The following PCSK6 variants were observed in gnomAD, a reference collection of about 807,000 sequenced individuals.
PCSK6 encodes paired basic amino acid cleaving enzyme 4.
PCSK6 carries 85 observed loss-of-function variants against 123.3 expected under a neutral mutation model. The observed-to-expected ratio is 0.69, with a 90% CI of 0.58 to 0.83. The LOEUF (loss-of-function observed/expected upper bound fraction) is 0.83, where lower values mean the gene tolerates loss of function less well. Ranked by LOEUF, PCSK6 falls within the 40% of genes least tolerant of loss-of-function variation. The pLI, the probability that PCSK6 is intolerant of heterozygous loss-of-function variation, is 0.00. For synonymous variants in PCSK6, 508 were observed against 516.0 expected, an observed-to-expected ratio of 0.98 and a Z score of 0.21; for missense variants, 1,191 against 1,282.3, an observed-to-expected ratio of 0.93 and a Z score of 1.09.
At position 101,305,276 on chromosome 15, in the gene PCSK6, C is replaced by T. The variant is rs768191169; in HGVS notation, c.2892G>A (p.Thr964=). Residue 964 remains threonine, a synonymous_variant, in exon 22 of 22, where the codon ACG becomes ACA. Transcript: ENST00000611716. The surrounding 1 kb of genome is among the most constrained non-coding windows in gnomAD (Gnocchi z 4.8). The part of the protein sequence containing the change: ...RKLFIQFCCR[T]CLLAG ...GGCACCCTTACCCGGCCAGGAGGCACGTGCGGCAGCAGAACTGAATGAAGA... is the reference window on the plus strand; with the variant it reads ...GGCACCCTTACCCGGCCAGGAGGCATGTGCGGCAGCAGAACTGAATGAAGA... 59 of 1,611,536 alleles carry T rather than the reference C, an allele frequency of 3.7e-5. No homozygotes were observed. The highest frequency in any genetic ancestry group is 4.4e-5 in the Non-Finnish European group (52 of 1,179,588).
At chr15:101,437,548 T>C (rs2056636779) in intron 2 of PCSK6, among the ~76,000 whole-genome samples, 2 of 152,112 alleles carry the variant, frequency 1.3e-5, no homozygotes, top group Admixed American at 1.3e-4. Flanking sequence ...CCTGCAGCCA[T>C]AACTGCAACA....
At chr15:101,351,495 A>G (rs1366725697) in intron 13 of PCSK6, among the ~76,000 whole-genome samples, 3 of 152,246 alleles carry the variant, frequency 2.0e-5, no homozygotes, top group African/African-American at 4.8e-5. Flanking sequence ...ACAACTGTTC[A>G]TGCATGGCAG....
chr15:101,431,471 C>A lies in PCSK6; in HGVS notation c.514-8G>T, dbSNP rs745816900. 2 of 1,613,422 alleles carry A rather than the reference C, an allele frequency of 1.2e-6. No homozygotes were observed. The highest frequency in any genetic ancestry group is 1.7e-6 in the Non-Finnish European group (2 of 1,179,704). On this transcript the variant is annotated splice_polypyrimidine_tract_variant and splice_region_variant and intron_variant, in intron 3 of 21. Transcript: ENST00000611716. Reference sequence around the variant, plus strand: ...GTTCTTGTCGCCACAATGCTGTAAGCACGAAAGACACAAAGTCCCCCCGAC... The same window carrying A: ...GTTCTTGTCGCCACAATGCTGTAAGAACGAAAGACACAAAGTCCCCCCGAC...
At chr15:101,341,317 C>T (rs993626111) in intron 13 of PCSK6, among the ~76,000 whole-genome samples, 6 of 148,476 alleles carry the variant, frequency 4.0e-5, no homozygotes, top group Admixed American at 2.7e-4. Flanking sequence ...GGTGCAATCT[C>T]GGCTCACTGC....
At chr15:101,456,247 T>TCGCTAAGACTG (rs2057175763) in intron 1 of PCSK6, among the ~76,000 whole-genome samples, 1 of 151,644 alleles carries the variant, frequency 6.6e-6, no homozygotes, top group Non-Finnish European at 1.5e-5. Context: ...ACGTGCTGAT[T>TCGCTAAGACTG]CACGTAACAG....
chr15:101,371,062 C>A (rs2041571574), intron 11 of PCSK6, among the ~76,000 whole-genome samples: 1 of 152,154 alleles, frequency 6.6e-6, no homozygotes, highest in African/African-American at 2.4e-5. Flanking sequence ...CAAAAATTAG[C>A]TGGGCATGGT....
At chr15:101,437,473 AC>A (rs1359202901) in intron 2 of PCSK6, among the ~76,000 whole-genome samples, 1 of 95,216 alleles carries the variant, frequency 1.1e-5, no homozygotes, top group East Asian at 2.5e-4. Context: ...CTAGAAAGCC[AC>A]CCCCACCACC....
At chr15:101,321,879 G>T (rs1239757044) in intron 18 of PCSK6, among the ~76,000 whole-genome samples, 1 of 152,242 alleles carries the variant, frequency 6.6e-6, no homozygotes, top group Non-Finnish European at 1.5e-5. Flanking sequence ...ATTTTGAACA[G>T]AATGTTCTAA....
chr15:101,403,428 T>TA (rs67170668), intron 6 of PCSK6, among the ~76,000 whole-genome samples: 24,734 of 144,760 alleles, frequency 0.17, 2,299 homozygotes, highest in South Asian at 0.21. Context: ...TAATAATAAT[T>TA]AAAAAAAAAG....
chr15:101,345,959 C>T (rs953725640), intron 13 of PCSK6, among the ~76,000 whole-genome samples: 15 of 152,298 alleles, frequency 9.8e-5, no homozygotes, highest in South Asian at 2.1e-4. Context: ...TGAGCCACCA[C>T]GCCAGAAAGG....
intron 18 of PCSK6, among the ~76,000 whole-genome samples, chr15:101,322,201 A>G (rs1318766542): frequency 6.6e-6 from 1 of 152,218 alleles, no homozygotes; most frequent in African/African-American, 2.4e-5. Flanking sequence ...CGGCCCAGAC[A>G]GCGAGGGGAA....
At chr15:101,417,536 C>T (rs1039495332) in intron 6 of PCSK6, among the ~76,000 whole-genome samples, 2 of 152,002 alleles carry the variant, frequency 1.3e-5, no homozygotes, top group African/African-American at 2.4e-5. Flanking sequence ...CTAAATAACT[C>T]CTGGGTTAAA....
chr15:101,357,231 G>A (rs924696385), intron 13 of PCSK6, among the ~76,000 whole-genome samples: 1 of 152,210 alleles, frequency 6.6e-6, no homozygotes, highest in Admixed American at 6.5e-5. Flanking sequence ...TGTGTGTGCT[G>A]CACTGTGCCT....
At chr15:101,350,111 T>C (rs2040852197) in intron 13 of PCSK6, among the ~76,000 whole-genome samples, 1 of 152,116 alleles carries the variant, frequency 6.6e-6, no homozygotes, top group Admixed American at 6.6e-5. Flanking sequence ...TTTCACCACG[T>C]TGGCCAGACT....
chr15:101,438,234 G>T (rs2141137909), intron 2 of PCSK6, among the ~76,000 whole-genome samples: 1 of 152,366 alleles, frequency 6.6e-6, no homozygotes, highest in Admixed American at 6.5e-5. Flanking sequence ...CTGACATGCA[G>T]TCACTGTCTG....
At chr15:101,432,244 T>A (rs2056469160) in intron 2 of PCSK6, 144 bp from the exon 3 acceptor site, 3 of 703,456 alleles carry the variant, frequency 4.3e-6, no homozygotes, top group Non-Finnish European at 7.4e-6. Context: ...TGGGGACATT[T>A]TCACTTCAAA....
intron 6 of PCSK6, among the ~76,000 whole-genome samples, chr15:101,414,273 C>T (rs182965481): frequency 6.6e-6 from 1 of 152,090 alleles, no homozygotes; most frequent in East Asian, 1.9e-4. Context: ...CCATTCATAC[C>T]TATAGCAAGC....
Position 101,357,714 on chromosome 15 carries a change from G to A in PCSK6, c.1858+8482C>T, listed in dbSNP as rs3743191. On this transcript the variant is annotated intron_variant, in intron 13 of 21. Transcript: ENST00000611716. The stretch of plus-strand genomic sequence containing the variant: ...AGGTCTTATTGCGAACAATGCCTAC[G>A]TTGGGTCCCGGGTCTTTGGGCACAG... Among the ~76,000 whole-genome samples the A allele has an allele frequency of 0.012, 1,802 of 152,346 alleles. 99 individuals are homozygous for A. In the East Asian group the frequency reaches 0.16, roughly 13 times the overall value.
chr15:101,368,356 G>A (rs571752736), intron 12 of PCSK6, among the ~76,000 whole-genome samples: 1 of 152,312 alleles, frequency 6.6e-6, no homozygotes, highest in East Asian at 1.9e-4. Context: ...GACACGTAGG[G>A]CAACCAGGCC....
Sources: gnomAD v4.1 joint callset for allele counts (sites outside exome capture counted in the v4.1 genomes callset) on GRCh38, gnomAD v4.1.1 for gene constraint, Gnocchi (gnomAD v3.1) non-coding constraint, MANE v1.5 for transcripts, NCBI Gene and HGNC (gene_info 2026-07-23, HGNC 2026-07-21) for gene names.